Variants in SLIT3 observed in about 807,000 individuals in gnomAD.
SLIT3 encodes the protein slit homolog 3 protein.
In SLIT3, 68 loss-of-function variants were observed where a neutral mutation model predicts 184.0. That is an observed-to-expected ratio of 0.37 (90% CI 0.30 to 0.45). The LOEUF (loss-of-function observed/expected upper bound fraction) is 0.45. Ranked by LOEUF, SLIT3 falls within the 20% of genes least tolerant of loss-of-function variation. The pLI is 1.00. For missense variants in SLIT3, 1,707 were observed against 2,026.0 expected (o/e 0.84, Z 3.02); for synonymous variants, 831 against 828.6 (o/e 1.00, Z -0.05).
intron 20 of SLIT3, 103 bp downstream of exon 20, chr5:168,748,189 TCTCCCCCCGG>T: frequency 8.1e-7 from 1 of 1,228,440 alleles, no homozygotes; most frequent in Non-Finnish European, 1.1e-6. Flanking sequence ...TCAAGTAGGG[TCTCCCCCCGG>T]CAGTTTCGCC....
intron 6 of SLIT3, among the ~76,000 whole-genome samples, chr5:168,837,977 G>A (rs1214255082): frequency 6.6e-6 from 1 of 152,186 alleles, no homozygotes; most frequent in East Asian, 1.9e-4. Context: ...GTCTGGGGCA[G>A]TTTTGTGGAA....
chr5:168,878,380 C>T (rs1759817122), intron 5 of SLIT3, among the ~76,000 whole-genome samples: 1 of 152,228 alleles, frequency 6.6e-6, no homozygotes, highest in Admixed American at 6.5e-5. Context: ...CTTGTGGCTC[C>T]TCAGGTCCAC....
At chr5:168,752,388 G>GTTTTTTTTTTTTTTTTTTTTTTTTTTT (rs35984907) in intron 18 of SLIT3, 3 of 109,752 alleles carry the variant, frequency 2.7e-5, no homozygotes, top group Non-Finnish European at 5.2e-5. Context: ...AAAGCCCCTG[G>GTTTTTTTTTTTTTTTTTTTTTTTTTTT]TTTTTTTTTT....
intron 3 of SLIT3, among the ~76,000 whole-genome samples, chr5:169,228,606 A>T (rs757166129): frequency 6.6e-6 from 1 of 152,208 alleles, no homozygotes; most frequent in Non-Finnish European, 1.5e-5. Flanking sequence ...TACTTCATGT[A>T]TGCTTGTTTG....
At chr5:168,930,052 C>G (rs1166564025) in intron 4 of SLIT3, among the ~76,000 whole-genome samples, 1 of 152,220 alleles carries the variant, frequency 6.6e-6, no homozygotes, top group Non-Finnish European at 1.5e-5. Context: ...AGGTGAGGTC[C>G]TAGTCAGTGT....
intron 4 of SLIT3, among the ~76,000 whole-genome samples, chr5:169,106,208 T>A (rs1471820770): frequency 1.3e-5 from 2 of 152,098 alleles, no homozygotes; most frequent in Non-Finnish European, 2.9e-5. Context: ...AACTTCAAAG[T>A]TGAAGAAAAA....
At chr5:169,278,444 T>A (rs190650085) in intron 1 of SLIT3, among the ~76,000 whole-genome samples, 58 of 152,222 alleles carry the variant, frequency 3.8e-4, no homozygotes, top group Admixed American at 2.5e-3. Flanking sequence ...AAACTATTCA[T>A]CCCCTCTGTG....
chr5:168,788,653 T>A (rs971340562), intron 11 of SLIT3, among the ~76,000 whole-genome samples: 1 of 152,046 alleles, frequency 6.6e-6, no homozygotes, highest in African/African-American at 2.4e-5. Flanking sequence ...TAGGGATACA[T>A]CCGTGAACAA....
At chr5:168,718,272 T>A (rs578101258) in intron 23 of SLIT3, 60 of 152,126 alleles carry the variant, frequency 3.9e-4, no homozygotes, top group African/African-American at 1.4e-3. Context: ...AGGCAATTGG[T>A]AGAGCAGTGA....
intron 4 of SLIT3, among the ~76,000 whole-genome samples, chr5:168,946,735 C>G (rs1762494513): frequency 6.6e-6 from 1 of 152,198 alleles, no homozygotes; most frequent in Non-Finnish European, 1.5e-5. Context: ...CACGCTCACC[C>G]CCTAGCCCAG....
intron 4 of SLIT3, among the ~76,000 whole-genome samples, chr5:169,089,426 G>A (rs73802478): frequency 2.0e-5 from 3 of 152,320 alleles, no homozygotes; most frequent in Non-Finnish European, 2.9e-5. Context: ...GTTAGCAGGG[G>A]TGCTGTCTGT....
chr5:169,065,851 A>G (rs2113109156), intron 4 of SLIT3, among the ~76,000 whole-genome samples: 1 of 152,364 alleles, frequency 6.6e-6, no homozygotes, highest in South Asian at 2.1e-4. Flanking sequence ...AGGCTACTTT[A>G]AAGTAACACG....
intron 4 of SLIT3, 116 bp downstream of exon 4, chr5:169,193,363 T>A: frequency 2.4e-6 from 2 of 825,184 alleles, no homozygotes; most frequent in Non-Finnish European, 4.3e-6. Flanking sequence ...TCCAAGTCTC[T>A]ATGTCAGGGC....
At chr5:169,299,207 T>C (rs895404151) in intron 1 of SLIT3, among the ~76,000 whole-genome samples, 7 of 152,102 alleles carry the variant, frequency 4.6e-5, no homozygotes, top group African/African-American at 1.7e-4. Flanking sequence ...AAACAATCAC[T>C]GCACTTGTGG....
At chr5:168,887,335 A>C (rs1417728155) in intron 4 of SLIT3, among the ~76,000 whole-genome samples, 1 of 152,040 alleles carries the variant, frequency 6.6e-6, no homozygotes, top group Non-Finnish European at 1.5e-5. Context: ...TTGATCCTAG[A>C]GGTCACTCCC....
intron 20 of SLIT3, among the ~76,000 whole-genome samples, chr5:168,746,696 G>C (rs138807250): frequency 1.0e-5 from 1 of 98,812 alleles, no homozygotes; most frequent in Admixed American, 1.3e-4. Flanking sequence ...TGGTGGTGTG[G>C]GTGTGGTGGT....
At chr5:169,050,137 C>T (rs1208593517) in intron 4 of SLIT3, among the ~76,000 whole-genome samples, 2 of 152,138 alleles carry the variant, frequency 1.3e-5, no homozygotes, top group African/African-American at 2.4e-5. Context: ...TCCAGCAGGC[C>T]GTTTGCTGGG....
rs28425615 is a variant in SLIT3, at chr5:169,199,204, C to T, written c.342-5654G>A. ...GTAGGAGAGAGAGGTGAGGTATAAT[C>T]GGCTGGGTTTTGTGACAGGATGTAC... On this transcript the variant is annotated intron_variant, in intron 3 of 35. Coordinates refer to ENST00000519560, the MANE Select transcript of SLIT3 (RefSeq NM_003062.4). 9.5e-3 allele frequency among the ~76,000 whole-genome samples: 1,400 copies of T among 147,264 alleles called. 21 individuals are homozygous for T. Among genetic ancestry groups the T allele is most frequent in the African/African-American group, 0.034 (1,312 of 38,030 alleles).
chr5:169,116,904 G>C (rs1245655107), intron 4 of SLIT3, among the ~76,000 whole-genome samples: 1 of 152,156 alleles, frequency 6.6e-6, no homozygotes, highest in Non-Finnish European at 1.5e-5. Context: ...ATTTGTTGAG[G>C]TTTCCCTAGG....
Sources: gnomAD v4.1 joint callset for allele counts (sites outside exome capture counted in the v4.1 genomes callset) on GRCh38, gnomAD v4.1.1 for gene constraint, MANE v1.5 for transcripts, NCBI Gene and HGNC (gene_info 2026-07-23, HGNC 2026-07-21) for gene names.